PAPLN: variants seen among roughly 807,000 people sequenced by gnomAD.
The protein encoded by PAPLN is papilin, proteoglycan like sulfated glycoprotein.
Under a neutral mutation model 159.0 loss-of-function variants are expected in PAPLN, and 146 were observed. The observed-to-expected ratio is 0.92, with a 90% CI of 0.80 to 1.05. The LOEUF (loss-of-function observed/expected upper bound fraction) is 1.05. PAPLN is among the 50% of genes least tolerant of loss of function. PAPLN has a pLI of 0.00. For missense variants in PAPLN, 1,720 were observed against 1,743.9 expected (o/e 0.99, Z 0.24); for synonymous variants, 734 against 702.9 (o/e 1.04, Z -0.70).
intron 5 of PAPLN, among the ~76,000 whole-genome samples, chr14:73,248,106 T>TGTGTGCGC (rs139626596): frequency 2.5e-5 from 2 of 78,508 alleles, no homozygotes; most frequent in African/African-American, 1.1e-4. Context: ...TGTGTGTGTG[T>TGTGTGCGC]GCGCGTGTGT....
chr14:73,236,357 C>G (rs177409), upstream of PAPLN, among the ~76,000 whole-genome samples: 631 of 152,226 alleles, frequency 4.1e-3, 4 homozygotes, highest in African/African-American at 0.014. Context: ...GGGACAGAAA[C>G]CGAGGGAGCA....
At position 73,245,391 on chromosome 14, in the gene PAPLN, T is replaced by G. The variant is rs1248516534; in HGVS notation, c.171-245T>G. ...CTCTGGGAATCTGCCTAAGATGCAGTGGAGTGGTCCCGCCTTAAATCCAAA... is the reference window on the plus strand; with the variant it reads ...CTCTGGGAATCTGCCTAAGATGCAGGGGAGTGGTCCCGCCTTAAATCCAAA... On this transcript the variant is annotated intron_variant, in intron 3 of 26. Transcript: ENST00000644200. This position sits in a 1 kb window ranked among gnomAD's most constrained non-coding sequence, Gnocchi z 4.2. 1.5e-5 allele frequency: 8 copies of G among 543,546 alleles called. No homozygotes were observed. The highest frequency in any genetic ancestry group is 2.6e-5 in the Non-Finnish European group (8 of 302,670). The allele number at this position is 543,546 out of a possible 1,614,324, so 33.7% of individuals were successfully genotyped here.
chr14:73,250,782 T>C, intron 6 of PAPLN, 125 bp from the exon 7 acceptor site: 1 of 1,204,250 alleles, frequency 8.3e-7, no homozygotes, highest in Non-Finnish European at 1.1e-6. Flanking sequence ...GGCTGGTGGC[T>C]GAATCACTCC....
Position 73,265,245 on chromosome 14 carries a change from G to T in PAPLN, c.3126-125G>T. ...ATTTCCTAACCAGAACAAGGCAGGG[G>T]ATTTTAGGAAGCTGAATCTGGCTGG... On this transcript the variant is annotated intron_variant, in intron 22 of 26. Coordinates refer to ENST00000644200, the MANE Select transcript of PAPLN (RefSeq NM_001365906.3). This position sits in a 1 kb window ranked among gnomAD's most constrained non-coding sequence, Gnocchi z 4.1. The T allele has an allele frequency of 6.9e-7, 1 of 1,449,074 alleles. No homozygotes were observed. The highest frequency in any genetic ancestry group is 9.2e-7 in the Non-Finnish European group (1 of 1,084,664). 89.8% of individuals were successfully genotyped at this position (1,449,074 alleles called of 1,614,324 possible).
At chr14:73,271,653 C>T (rs1421777064) in intron 26 of PAPLN, among the ~76,000 whole-genome samples, 1 of 152,114 alleles carries the variant, frequency 6.6e-6, no homozygotes, top group African/African-American at 2.4e-5. Context: ...AGGGGCACGC[C>T]ACCATGCCTG....
rs1886380641 is a variant in PAPLN at position 73,260,063 on chromosome 14, A to G, written c.1985+518A>G. 1.3e-5 allele frequency among the ~76,000 whole-genome samples: 2 copies of G among 152,104 alleles called. 1 individual carries two copies. Among genetic ancestry groups the G allele is most frequent in the South Asian group, 4.2e-4 (2 of 4,814 alleles). ...TCAGAGACCAGGTGCTTCTGGGCCC[A>G]GACTTTGTGGCCAGTAGCCTGGGGG... On this transcript the variant is annotated intron_variant, in intron 16 of 26. Transcript: ENST00000644200.
intron 19 of PAPLN, 101 bp from the exon 20 acceptor site, chr14:73,263,544 C>G: frequency 1.3e-6 from 2 of 1,503,824 alleles, no homozygotes; most frequent in South Asian, 2.4e-5. Flanking sequence ...GTGCCTGTGA[C>G]AGGATGGGCC....
At chr14:73,249,844 TG>T in intron 5 of PAPLN, 139 bp from the exon 6 acceptor site, 1 of 874,258 alleles carries the variant, frequency 1.1e-6, no homozygotes, top group Non-Finnish European at 1.6e-6. Flanking sequence ...CTCCTGGGGA[TG>T]GGGCGGGGAT....
At chr14:73,259,639 G>A in intron 16 of PAPLN, 94 bp downstream of exon 16, 1 of 1,382,098 alleles carries the variant, frequency 7.2e-7, no homozygotes. Flanking sequence ...AAGAGGGCTG[G>A]GGTGGGTGTG....
At chr14:73,243,683 T>G (rs1883859151) in intron 2 of PAPLN, 1 of 152,282 alleles carries the variant, frequency 6.6e-6, no homozygotes, top group Non-Finnish European at 1.5e-5. Flanking sequence ...TGTGGATTCC[T>G]GATGCCAGCT....
chr14:73,247,891 T>A (rs756337238), intron 5 of PAPLN, among the ~76,000 whole-genome samples: 2 of 8,558 alleles, frequency 2.3e-4, no homozygotes, highest in African/African-American at 1.4e-3. Context: ...ATATCCTCCG[T>A]GTGTGTGTGT....
At chr14:73,244,992 A>G in intron 3 of PAPLN, 1 of 429,100 alleles carries the variant, frequency 2.3e-6, no homozygotes, top group Non-Finnish European at 4.2e-6. Flanking sequence ...CCTGGTCTCC[A>G]GCTCCTGATG....
intron 11 of PAPLN, chr14:73,253,026 G>A (rs1885476111): frequency 9.1e-7 from 1 of 1,098,674 alleles, no homozygotes; most frequent in African/African-American, 1.6e-5. Flanking sequence ...GGTGGCAGGA[G>A]GGTTGGAGAA....
intron 5 of PAPLN, chr14:73,246,927 A>ACC (rs1884454587): frequency 6.6e-6 from 1 of 151,290 alleles, no homozygotes; most frequent in African/African-American, 2.4e-5. Context: ...AATCACCAGT[A>ACC]CCCCTGCTCC....
chr14:73,266,079 C>G (rs1887183983), intron 23 of PAPLN, among the ~76,000 whole-genome samples: 1 of 152,220 alleles, frequency 6.6e-6, no homozygotes, highest in South Asian at 2.1e-4. Context: ...TGGCTCACGC[C>G]TGTAATCCCA....
intron 5 of PAPLN, 46 bp downstream of exon 5, chr14:73,246,221 A>G: frequency 2.8e-6 from 4 of 1,445,320 alleles, no homozygotes; most frequent in South Asian, 1.3e-5. Flanking sequence ...TTGTATACCT[A>G]CGTTGATGCC....
Position 73,244,673 on chromosome 14 carries a change from C to G in PAPLN, c.84C>G (p.Thr28=), listed in dbSNP as rs1401608289. 1 of 1,594,196 alleles carries G rather than the reference C, an allele frequency of 6.3e-7. No individual in the cohort carries two copies. The highest frequency in any genetic ancestry group is 1.3e-5 in the African/African-American group (1 of 74,468). The change falls in exon 3 of 27, where the codon ACC becomes ACG. Residue 28 remains threonine, a synonymous_variant. Coordinates refer to ENST00000644200, the MANE Select transcript of PAPLN (RefSeq NM_001365906.3). ...SAPKVRRQSD[T]WGPWSQWSPC... is the part of the protein sequence containing the mutation. The stretch of plus-strand genomic sequence containing the variant: ...CCAAGGTGAGGCGGCAGAGTGACAC[C>G]TGGGGACCCTGGAGCCAGTGGAGCC...
Position 73,246,165 on chromosome 14 carries a change from C to A in PAPLN, c.324C>A (p.Pro108=), listed in dbSNP as rs755017899. Residue 108 remains proline (P), a synonymous_variant, in exon 5 of 27, where the codon CCC becomes CCA. Transcript: ENST00000644200. The part of the protein sequence containing the change: ...EFQGRRYRWL[P]YYSAPNKCEL... Reference sequence around the variant, plus strand: ...AGGGGCGGCGGTATCGGTGGCTGCCCTACTACAGCGGTGAGCGCGGCCGGG... The same window carrying A: ...AGGGGCGGCGGTATCGGTGGCTGCCATACTACAGCGGTGAGCGCGGCCGGG... The A allele has an allele frequency of 6.3e-7, 1 of 1,586,234 alleles. No homozygotes were observed. The highest frequency in any genetic ancestry group is 8.5e-7 in the Non-Finnish European group (1 of 1,169,704).
At chr14:73,236,552 C>A (rs1389408151), upstream of PAPLN, among the ~76,000 whole-genome samples, 1 of 152,136 alleles carries the variant, frequency 6.6e-6, no homozygotes, top group Admixed American at 6.5e-5. Context: ...CGCAGTGGCT[C>A]ACGTCTGTAA....
Sources: allele counts gnomAD v4.1 joint callset (sites outside exome capture counted in the v4.1 genomes callset), GRCh38; gene constraint gnomAD v4.1.1; non-coding constraint Gnocchi (gnomAD v3.1); transcripts MANE v1.5; gene names NCBI Gene and HGNC (gene_info 2026-07-23, HGNC 2026-07-21).